Variants in C1orf21 observed in about 807,000 individuals in gnomAD.
The protein encoded by C1orf21 is chromosome 1 open reading frame 21.
In C1orf21, 3 loss-of-function variants were observed where a neutral mutation model predicts 18.7. The observed-to-expected ratio is 0.16, with a 90% confidence interval of 0.07 to 0.42. C1orf21 has a LOEUF of 0.42. Among genes scored for constraint, C1orf21 ranks in the 10% least tolerant of loss-of-function variants. The probability of loss-of-function intolerance (pLI) is 0.99; values close to 1 mark genes in which losing one functional copy is unlikely to be tolerated. For synonymous variants in C1orf21, 41 were observed against 46.4 expected (o/e 0.88, Z 0.47); for missense variants, 104 against 143.6 (o/e 0.72, Z 1.41).
intron 1 of C1orf21, among the ~76,000 whole-genome samples, chr1:184,440,540 C>G (rs1656927232): frequency 6.6e-6 from 1 of 151,076 alleles, no homozygotes; most frequent in Admixed American, 6.6e-5. Context: ...GCGTGAGCCA[C>G]TGCACCTGGC....
intron 3 of C1orf21, among the ~76,000 whole-genome samples, chr1:184,519,984 A>G (rs1452777174): frequency 6.6e-6 from 1 of 152,174 alleles, no homozygotes; most frequent in Non-Finnish European, 1.5e-5. Context: ...AGGCATAAAA[A>G]TTTCATACAT....
At chr1:184,517,370 C>G (rs1488907327) in intron 3 of C1orf21, among the ~76,000 whole-genome samples, 1 of 152,092 alleles carries the variant, frequency 6.6e-6, no homozygotes, top group Non-Finnish European at 1.5e-5. Flanking sequence ...AAAGGTTGTT[C>G]CTGATTATCT....
At chr1:184,389,276 C>G (rs1337540039) in intron 1 of C1orf21, among the ~76,000 whole-genome samples, 1 of 152,110 alleles carries the variant, frequency 6.6e-6, no homozygotes. Flanking sequence ...TGTTGTCTAG[C>G]TTTGTCACAA....
chr1:184,396,644 T>C (rs1328877691), intron 1 of C1orf21, among the ~76,000 whole-genome samples: 1 of 152,236 alleles, frequency 6.6e-6, no homozygotes, highest in East Asian at 1.9e-4. Context: ...GATAGAATTA[T>C]GAGTTTGCTG....
intron 1 of C1orf21, among the ~76,000 whole-genome samples, chr1:184,413,892 T>G (rs1356629356): frequency 1.3e-5 from 2 of 152,240 alleles, no homozygotes; most frequent in African/African-American, 4.8e-5. Context: ...CACTCTGCCT[T>G]AAATTTGCCA....
intron 1 of C1orf21, among the ~76,000 whole-genome samples, chr1:184,454,064 C>T (rs1160551686): frequency 6.6e-6 from 1 of 152,178 alleles, no homozygotes; most frequent in Non-Finnish European, 1.5e-5. Context: ...ATGAGGAAAA[C>T]ACTAACAAAT....
At chr1:184,594,618 G>A (rs1445562489) in intron 4 of C1orf21, among the ~76,000 whole-genome samples, 1 of 152,172 alleles carries the variant, frequency 6.6e-6, no homozygotes, top group Non-Finnish European at 1.5e-5. Flanking sequence ...CTGGTGATAA[G>A]AATGTTTCTT....
intron 3 of C1orf21, among the ~76,000 whole-genome samples, chr1:184,515,874 C>T (rs886977684): frequency 2.0e-5 from 3 of 152,116 alleles, no homozygotes; most frequent in African/African-American, 7.2e-5. Flanking sequence ...AGTGCAATGG[C>T]GTGATCTCGG....
chr1:184,619,493 GCT>G (rs755709505), intron 5 of C1orf21, 23 bp from the exon 6 acceptor site: 1 of 1,609,200 alleles, frequency 6.2e-7, no homozygotes, highest in Admixed American at 1.7e-5. Context: ...TCATTCACAT[GCT>G]CTTTTTTCTT....
chr1:184,568,187 C>G (rs1659060207), intron 3 of C1orf21, among the ~76,000 whole-genome samples: 1 of 152,186 alleles, frequency 6.6e-6, no homozygotes, highest in Non-Finnish European at 1.5e-5. Context: ...TTTCCTTTTA[C>G]CACATACACA....
At chr1:184,432,246 A>G (rs1310305093) in intron 1 of C1orf21, among the ~76,000 whole-genome samples, 2 of 152,238 alleles carry the variant, frequency 1.3e-5, no homozygotes, top group African/African-American at 4.8e-5. Flanking sequence ...AGCACTATTC[A>G]CAATAGCAAA....
At position 184,487,678 on chromosome 1, in the gene C1orf21, C is replaced by T. The variant is rs539345150; in HGVS notation, c.94+10075C>T. On this transcript the variant is annotated intron_variant, in intron 2 of 5. Coordinates refer to ENST00000235307, the MANE Select transcript of C1orf21 (RefSeq NM_030806.4). ...TAATATGGTCATTAGGGCTATTTTCCGTGGAACTGAAATACAATGTTATGG... is the reference window on the plus strand; with the variant it reads ...TAATATGGTCATTAGGGCTATTTTCTGTGGAACTGAAATACAATGTTATGG... Among the ~76,000 whole-genome samples the T allele has an allele frequency of 4.6e-5, 7 of 152,258 alleles. No homozygotes were observed. In the East Asian group the frequency reaches 9.7e-4, roughly 21 times the overall value.
intron 1 of C1orf21, among the ~76,000 whole-genome samples, chr1:184,455,034 G>A (rs1040283598): frequency 3.9e-5 from 6 of 152,126 alleles, no homozygotes; most frequent in African/African-American, 1.4e-4. Flanking sequence ...AGGGGGCAGG[G>A]GGGACAATCA....
chr1:184,585,961 T>C (rs1659346240), intron 3 of C1orf21, among the ~76,000 whole-genome samples: 1 of 152,232 alleles, frequency 6.6e-6, no homozygotes, highest in Non-Finnish European at 1.5e-5. Context: ...TAGAACGATT[T>C]ATATTCCTTT....
In C1orf21 at chr1:184,627,291, T is replaced by A. The variant is rs1476839601; in HGVS notation, c.*7735T>A. The stretch of plus-strand genomic sequence containing the variant: ...AACCTCGGAGTTCAGAGCATTGGGT[T>A]TTTTTCTCCCCTCCCCACCCCCAGA... On this transcript the variant is annotated 3_prime_UTR_variant, in exon 6 of 6. Transcript: ENST00000235307. 1.3e-5 allele frequency: 2 copies of A among 152,022 alleles called. No homozygotes were observed. The highest frequency in any genetic ancestry group is 4.8e-5 in the African/African-American group (2 of 41,376). 9.4% of individuals were successfully genotyped at this position (152,022 alleles called of 1,614,324 possible).
chr1:184,509,746 A>G (rs1658117383), intron 3 of C1orf21, among the ~76,000 whole-genome samples: 1 of 152,178 alleles, frequency 6.6e-6, no homozygotes, highest in South Asian at 2.1e-4. Flanking sequence ...AGTTCTTGAT[A>G]CTTATTTTAC....
intron 3 of C1orf21, among the ~76,000 whole-genome samples, chr1:184,538,926 A>G (rs1320670610): frequency 4.6e-5 from 7 of 152,226 alleles, no homozygotes; most frequent in Non-Finnish European, 7.3e-5. Flanking sequence ...TTCCAAACAT[A>G]AGATTATATT....
In C1orf21 at chr1:184,548,519, A is replaced by G. The variant is rs745482188; in HGVS notation, c.189+40837A>G. Among the ~76,000 whole-genome samples the G allele has an allele frequency of 2.4e-4, 35 of 145,148 alleles. 1 individual carries two copies. Among genetic ancestry groups the G allele is most frequent in the Non-Finnish European group, 5.1e-4 (34 of 67,202 alleles). On this transcript the variant is annotated intron_variant, in intron 3 of 5. Transcript: ENST00000235307. ...AAGCTCCGCCTCCCGGGTTCACGCC[A>G]TTCTCCCCATTGCAGACTCCTTAGA...
At chr1:184,593,271 T>TTG (rs55802126) in intron 4 of C1orf21, among the ~76,000 whole-genome samples, 9,030 of 149,688 alleles carry the variant, frequency 0.06, 463 homozygotes, top group African/African-American at 0.15. Context: ...AGCAGCATGC[T>TTG]TGTGTGTGTG....
Sources: allele counts gnomAD v4.1 joint callset (sites outside exome capture counted in the v4.1 genomes callset), GRCh38; gene constraint gnomAD v4.1.1; transcripts MANE v1.5; gene names NCBI Gene and HGNC (gene_info 2026-07-23, HGNC 2026-07-21).